SLFN12L: variants seen among roughly 807,000 people sequenced by gnomAD.
SLFN12L encodes the protein schlafen family member 12 like.
Under a neutral mutation model 34.8 loss-of-function variants are expected in SLFN12L, and 34 were observed. The ratio of observed to expected loss-of-function variants is 0.98; its 90% CI spans 0.74 to 1.30. The LOEUF (loss-of-function observed/expected upper bound fraction) is 1.30, where lower values mean the gene tolerates loss of function less well. SLFN12L is among the 50% of genes most tolerant of loss of function. The pLI, the probability that SLFN12L is intolerant of heterozygous loss-of-function variation, is 0.00. For synonymous variants in SLFN12L, 259 were observed against 247.5 expected, an observed-to-expected ratio of 1.05 and a Z score of -0.44; for missense variants, 703 against 696.2, an observed-to-expected ratio of 1.01 and a Z score of -0.11.
At chr17:35,482,514 C>A (rs1479632049) in intron 2 of SLFN12L, among the ~76,000 whole-genome samples, 1 of 152,180 alleles carries the variant, frequency 6.6e-6, no homozygotes, top group Non-Finnish European at 1.5e-5. Flanking sequence ...CCGCTCTCTG[C>A]AGCATGCTAG....
In SLFN12L at chr17:35,487,207, A is replaced by T. The variant is rs34927524; in HGVS notation, c.87-7012T>A. Among the ~76,000 whole-genome samples, 690 of 152,344 alleles carry T rather than the reference A, an allele frequency of 4.5e-3. 8 individuals carry two copies. Among genetic ancestry groups the T allele is most frequent in the African/African-American group, 0.016 (659 of 41,582 alleles). On this transcript the variant is annotated intron_variant, in intron 2 of 4. Transcript: ENST00000628453. ...CTCCCCACTTCTCCAGCTCTGCACC[A>T]ACACCTCACGGGCTTGAGCCACCGC... is the stretch of plus-strand genomic sequence containing the variant.
chr17:35,506,268 C>A (rs1454319044), intron 2 of SLFN12L, among the ~76,000 whole-genome samples: 1 of 152,166 alleles, frequency 6.6e-6, no homozygotes, highest in Non-Finnish European at 1.5e-5. Context: ...TGATGTGGTT[C>A]TCTTAATTAG....
intron 4 of SLFN12L, 62 bp from the exon 5 acceptor site, chr17:35,475,547 AC>A (rs1177653199): frequency 1.4e-6 from 2 of 1,475,576 alleles, no homozygotes; most frequent in Admixed American, 5.4e-5. Flanking sequence ...AGCCATGGAT[AC>A]AAAGCAGCTT....
chr17:35,531,705 C>T (rs1427254766), intron 1 of SLFN12L, among the ~76,000 whole-genome samples: 1 of 152,312 alleles, frequency 6.6e-6, no homozygotes, highest in East Asian at 1.9e-4. Context: ...CAACCTCCAT[C>T]TCGCAGGTTC....
chr17:35,506,568 A>C (rs1314651105), intron 2 of SLFN12L, among the ~76,000 whole-genome samples: 1 of 152,294 alleles, frequency 6.6e-6, no homozygotes, highest in East Asian at 1.9e-4. Flanking sequence ...TGGTTTGAGG[A>C]GAAGTTTATA....
chr17:35,487,841 C>A (rs996716804), intron 2 of SLFN12L: 1 of 1,308,572 alleles, frequency 7.6e-7, no homozygotes, highest in African/African-American at 1.5e-5. Flanking sequence ...GCATTTCTAT[C>A]GGGCACTCGA....
intron 2 of SLFN12L, among the ~76,000 whole-genome samples, chr17:35,501,544 G>A (rs907389226): frequency 5.3e-5 from 8 of 152,174 alleles, no homozygotes; most frequent in African/African-American, 9.7e-5. Flanking sequence ...GTAAAAGTGC[G>A]TGTGTGCCCT....
rs924058178 is a variant in SLFN12L, at chr17:35,487,859, G to C, written c.87-7664C>G. 2.7e-6 allele frequency: 3 copies of C among 1,095,098 alleles called. No individual in the cohort carries two copies. The African/African-American group carries it at 4.7e-5, about 17-fold the overall frequency. The allele number at this position is 1,095,098 out of a possible 1,614,324, so 67.8% of individuals were successfully genotyped here. On this transcript the variant is annotated intron_variant, in intron 2 of 4. Transcript: ENST00000628453. ...TTTCTATCGGGCACTCGACTCCCCGGAAGTGGTGGCACCGCACGCGCTGTT... is the reference window on the plus strand; with the variant it reads ...TTTCTATCGGGCACTCGACTCCCCGCAAGTGGTGGCACCGCACGCGCTGTT...
chr17:35,502,032 AC>A (rs1369549961), intron 2 of SLFN12L, among the ~76,000 whole-genome samples: 1 of 152,124 alleles, frequency 6.6e-6, no homozygotes, highest in East Asian at 1.9e-4. Flanking sequence ...AGAGGAAGAG[AC>A]AGAGGCAAAA....
chr17:35,500,009 C>T (rs1215958753), intron 2 of SLFN12L: 1 of 152,760 alleles, frequency 6.5e-6, no homozygotes, highest in African/African-American at 2.4e-5. Context: ...TCAGGTAGCT[C>T]TGCCTCATGT....
Position 35,475,179 on chromosome 17 carries a change from C to G in SLFN12L, c.1583G>C (p.Gly528Ala). Reference sequence around the variant, plus strand: ...GACACACACTTTTTTAGTGTAACCACCAATTTTTGCCAGCTTCTGTTTTAA... The same window carrying G: ...GACACACACTTTTTTAGTGTAACCAGCAATTTTTGCCAGCTTCTGTTTTAA... ...QTLKQKLAKI[G>A]GYTKKVCVMT... is the part of the protein sequence containing the mutation. The change falls in exon 5 of 5, where the codon GGT (glycine) becomes GCT (alanine). Residue 528 changes from glycine (G) to alanine (A), a missense_variant. Transcript: ENST00000628453. The G allele has an allele frequency of 6.2e-7, 1 of 1,614,154 alleles. No homozygotes were observed. The highest frequency in any genetic ancestry group is 8.5e-7 in the Non-Finnish European group (1 of 1,180,034).
chr17:35,487,471 A>ACCCCC (rs570622363), intron 2 of SLFN12L, among the ~76,000 whole-genome samples: 13 of 149,626 alleles, frequency 8.7e-5, no homozygotes, highest in African/African-American at 2.7e-4. Context: ...CCCACGGACC[A>ACCCCC]CCCCCCCCGG....
At chr17:35,510,614 C>A (rs141591729) in intron 2 of SLFN12L, among the ~76,000 whole-genome samples, 1 of 151,996 alleles carries the variant, frequency 6.6e-6, no homozygotes, top group Admixed American at 6.5e-5. Flanking sequence ...TGAGAGTGAG[C>A]GCTAATGGAT....
intron 1 of SLFN12L, among the ~76,000 whole-genome samples, chr17:35,533,683 G>C (rs1453209270): frequency 6.6e-6 from 1 of 152,230 alleles, no homozygotes; most frequent in Non-Finnish European, 1.5e-5. Flanking sequence ...ACAGCACAGA[G>C]CTGGAAGGAT....
intron 1 of SLFN12L, among the ~76,000 whole-genome samples, chr17:35,534,601 A>G (rs2072441287): frequency 6.6e-6 from 1 of 152,168 alleles, no homozygotes; most frequent in Non-Finnish European, 1.5e-5. Context: ...CAGAGTTGAG[A>G]GAGATTTAGA....
intron 1 of SLFN12L, among the ~76,000 whole-genome samples, chr17:35,531,520 A>G (rs1341125697): frequency 6.6e-6 from 1 of 152,204 alleles, no homozygotes; most frequent in Non-Finnish European, 1.5e-5. Flanking sequence ...TTTAATGTTT[A>G]TTCCTATGGA....
chr17:35,480,159 C>G lies in SLFN12L; in HGVS notation c.123G>C (p.Gly41=). 3 of 1,604,220 alleles carry G rather than the reference C, an allele frequency of 1.9e-6. No individual in the cohort carries two copies. Among genetic ancestry groups the G allele is most frequent in the Non-Finnish European group, 2.6e-6 (3 of 1,175,190 alleles). Residue 41 remains glycine (G), a synonymous_variant, in exon 3 of 5, where the codon GGG becomes GGC. Transcript: ENST00000628453. ...CTAAATCAATACTGATGTTCATTTTCCCAGCAGCTAAGCCATTTCCACGCA... is the reference window on the plus strand; with the variant it reads ...CTAAATCAATACTGATGTTCATTTTGCCAGCAGCTAAGCCATTTCCACGCA... The part of the protein sequence containing the change: ...EFLRGNGLAA[G]KMNISIDLDT...
chr17:35,491,653 A>G (rs528414874), intron 2 of SLFN12L, among the ~76,000 whole-genome samples: 1 of 152,342 alleles, frequency 6.6e-6, no homozygotes, highest in East Asian at 1.9e-4. Context: ...ATAGCATTTC[A>G]AGCCATGCCT....
intron 1 of SLFN12L, among the ~76,000 whole-genome samples, chr17:35,535,166 CA>C (rs780802272): frequency 6.7e-6 from 1 of 150,244 alleles, no homozygotes; most frequent in Non-Finnish European, 1.5e-5. Flanking sequence ...TGTTTCTAAT[CA>C]AAACCTAGAC....
Sources: allele counts gnomAD v4.1 joint callset (sites outside exome capture counted in the v4.1 genomes callset), GRCh38; gene constraint gnomAD v4.1.1; transcripts MANE v1.5; gene names NCBI Gene and HGNC (gene_info 2026-07-23, HGNC 2026-07-21).